HMGXB3: variants seen among roughly 807,000 people sequenced by gnomAD.
HMGXB3 encodes the protein HMG domain-containing protein 3.
A neutral mutation model predicts 121.5 loss-of-function variants in HMGXB3; 45 were observed. The observed-to-expected ratio is 0.37, with a 90% CI of 0.29 to 0.47. The LOEUF (loss-of-function observed/expected upper bound fraction) is 0.47, where lower values mean the gene tolerates loss of function less well. HMGXB3 is among the 20% of genes least tolerant of loss of function. The pLI, the probability that HMGXB3 is intolerant of heterozygous loss-of-function variation, is 0.99. For missense variants in HMGXB3, 1,376 were observed against 1,602.2 expected (o/e 0.86, Z 2.41); for synonymous variants, 590 against 624.1 (o/e 0.95, Z 0.81).
At chr5:150,001,890 T>C (rs1755579564) in intron 1 of HMGXB3, among the ~76,000 whole-genome samples, 2 of 152,176 alleles carry the variant, frequency 1.3e-5, no homozygotes, top group African/African-American at 4.8e-5. Context: ...GTTACTGCCC[T>C]TCTCCACAAG....
chr5:150,041,636 C>T, intron 14 of HMGXB3, 149 bp from the exon 15 acceptor site: 1 of 625,388 alleles, frequency 1.6e-6, no homozygotes. Context: ...CAGGCCAGAT[C>T]CCTGACCCTC....
At chr5:150,038,377 A>G (rs1756547037) in intron 13 of HMGXB3, among the ~76,000 whole-genome samples, 1 of 152,196 alleles carries the variant, frequency 6.6e-6, no homozygotes, top group Non-Finnish European at 1.5e-5. Context: ...GCTCTTGCCA[A>G]CAGTTAACAA....
Position 150,010,152 on chromosome 5 carries a change from C to T in HMGXB3, c.354C>T (p.Ile118=). Residue 118 remains isoleucine, a synonymous_variant, in exon 4 of 20, where the codon ATC becomes ATT. Coordinates refer to ENST00000502717, the MANE Select transcript of HMGXB3 (RefSeq NM_014983.3). ...LSALTAVVPD[I]PGFRKILPRS... ...CACTGACTGCTGTGGTTCCGGACAT[C>T]CCAGGTTTCCGCAAGATCCTCCCAC... 1 of 1,551,750 alleles carries T rather than the reference C, an allele frequency of 6.4e-7. No individual in the cohort carries two copies. The highest frequency in any genetic ancestry group is 1.2e-5 in the South Asian group (1 of 84,054).
chr5:150,030,527 A>G lies in HMGXB3; in HGVS notation c.1735-214A>G. The G allele has an allele frequency of 1.3e-5, 7 of 531,136 alleles. No homozygotes were observed. The South Asian group carries it at 1.6e-4, about 12-fold the overall frequency. 32.9% of individuals were successfully genotyped at this position (531,136 alleles called of 1,614,324 possible). A position where few individuals can be genotyped will look rare whatever the true frequency, so the allele number is the denominator to read the frequency against. Reference sequence around the variant, plus strand: ...TGGTGTTTCTAATACATGGTATTAGAAACTGCACAGAAGCATGTGGCAAGG... The same window carrying G: ...TGGTGTTTCTAATACATGGTATTAGGAACTGCACAGAAGCATGTGGCAAGG... On this transcript the variant is annotated intron_variant, in intron 9 of 19. Coordinates refer to ENST00000502717, the MANE Select transcript of HMGXB3 (RefSeq NM_014983.3).
chr5:150,021,867 G>A (rs775439951), intron 6 of HMGXB3: 6 of 511,086 alleles, frequency 1.2e-5, no homozygotes, highest in South Asian at 4.2e-5. Flanking sequence ...ATTTGAATTC[G>A]GTGAATTGCC....
At chr5:150,048,721 T>A (rs1241364323) in intron 18 of HMGXB3, 36 bp downstream of exon 18, 1 of 1,424,576 alleles carries the variant, frequency 7.0e-7, no homozygotes, top group African/African-American at 1.4e-5. Flanking sequence ...GGAGTGAATT[T>A]GCTAATGTTG....
At chr5:150,050,607 G>A (rs1213700163) in intron 19 of HMGXB3, 146 bp downstream of exon 19, 17 of 619,038 alleles carry the variant, frequency 2.7e-5, no homozygotes, top group African/African-American at 1.8e-4. Context: ...TCAGCCTCCC[G>A]AGTAGCTGGG....
Position 150,050,264 on chromosome 5 carries a change from T to C in HMGXB3, c.3214T>C (p.Ser1072Pro). ...CTTCATCTCCCAGGTGGTCTGCGGC[T>C]CCAAGTATCTTGTGCGAGGTGAGAG... Reference protein sequence around the residue: ...KVCPHQVVCGSKYLVRGESAR... With the variant: ...KVCPHQVVCGPKYLVRGESAR... Residue 1072 changes from serine to proline, a missense_variant, in exon 19 of 20, where the codon TCC (serine) becomes CCC (proline). This residue lies in a region of HMGXB3 where 1,116 missense variants were observed against 1,369.0 expected (regional missense o/e 0.82). Coordinates refer to ENST00000502717, the MANE Select transcript of HMGXB3 (RefSeq NM_014983.3). 1 of 1,551,894 alleles carries C rather than the reference T, an allele frequency of 6.4e-7. No homozygotes were observed. Among genetic ancestry groups the C allele is most frequent in the East Asian group, 2.4e-5 (1 of 40,918 alleles).
chr5:150,018,627 A>G lies in HMGXB3; in HGVS notation c.971A>G (p.Tyr324Cys). Residue 324 changes from tyrosine (Y) to cysteine (C), a missense_variant, in exon 6 of 20, where the codon TAT becomes TGT. Around this residue, in one of 2 missense-constraint regions of HMGXB3, gnomAD observed 1,116 missense variants for 1,369.0 expected, o/e 0.82. Coordinates refer to ENST00000502717, the MANE Select transcript of HMGXB3 (RefSeq NM_014983.3). ...ACCAGCCCAGGGTGCTCCTTTACAT[A>G]TGTCACCAGGCACAAGCCACCTAAG... ...TCTSPGCSFT[Y>C]VTRHKPPKCP... The G allele has an allele frequency of 6.4e-7, 1 of 1,551,260 alleles. No homozygotes were observed. Among genetic ancestry groups the G allele is most frequent in the Non-Finnish European group, 8.7e-7 (1 of 1,146,802 alleles).
chr5:150,011,070 G>GT (rs1755822438), intron 4 of HMGXB3, among the ~76,000 whole-genome samples: 1 of 152,136 alleles, frequency 6.6e-6, no homozygotes, highest in African/African-American at 2.4e-5. Flanking sequence ...CAGGATTATA[G>GT]GCTTGTCCAT....
Position 150,041,836 on chromosome 5 carries a change from A to G in HMGXB3, c.2597A>G (p.Asn866Ser). 1 of 1,551,678 alleles carries G rather than the reference A, an allele frequency of 6.4e-7. No homozygotes were observed. Among genetic ancestry groups the G allele is most frequent in the Non-Finnish European group, 8.7e-7 (1 of 1,146,940 alleles). Reference sequence around the variant, plus strand: ...AGCCAGCTGCAGGAGCTGCTGTGCAATGGCTATTGGGCCTTTGAGTGCCTC... The same window carrying G: ...AGCCAGCTGCAGGAGCTGCTGTGCAGTGGCTATTGGGCCTTTGAGTGCCTC... The part of the protein sequence containing the change: ...ELSQLQELLC[N>S]GYWAFECLTV... The change falls in exon 15 of 20, where the codon AAT becomes AGT. Residue 866 changes from asparagine (N) to serine (S), a missense_variant. Asn to Ser is a conservative substitution (Grantham distance 46). Around this residue, in one of 2 missense-constraint regions of HMGXB3, gnomAD observed 1,116 missense variants for 1,369.0 expected, o/e 0.82. Transcript: ENST00000502717.
chr5:150,006,338 C>CT (rs1755700244), intron 2 of HMGXB3, 135 bp from the exon 3 acceptor site: 9 of 592,446 alleles, frequency 1.5e-5, no homozygotes, highest in Non-Finnish European at 2.5e-5. Context: ...AACCTCTTGA[C>CT]TACCCATATC....
Position 150,012,340 on chromosome 5 carries a change from C to T in HMGXB3, c.896C>T (p.Thr299Ile). 3 of 1,551,626 alleles carry T rather than the reference C, an allele frequency of 1.9e-6. No individual in the cohort carries two copies. Among genetic ancestry groups the T allele is most frequent in the Non-Finnish European group, 2.6e-6 (3 of 1,146,446 alleles). Residue 299 changes from threonine (T) to isoleucine (I), a missense_variant, in exon 5 of 20, where the codon ACC becomes ATC. By Grantham distance (89) the Thr-to-Ile change is moderately conservative (BLOSUM62 -1). Around this residue, in one of 2 missense-constraint regions of HMGXB3, gnomAD observed 1,116 missense variants for 1,369.0 expected, o/e 0.82. Coordinates refer to ENST00000502717, the MANE Select transcript of HMGXB3 (RefSeq NM_014983.3). Reference sequence around the variant, plus strand: ...GCCTACTCGGTTGTGGAGAACCCCACCTCCATCAAACTGGTCAGTACTGTA... The same window carrying T: ...GCCTACTCGGTTGTGGAGAACCCCATCTCCATCAAACTGGTCAGTACTGTA... ...LPAYSVVENP[T>I]SIKLTTTYTR...
At chr5:150,023,640 C>T (rs982787993) in intron 6 of HMGXB3, among the ~76,000 whole-genome samples, 3 of 152,214 alleles carry the variant, frequency 2.0e-5, no homozygotes, top group African/African-American at 7.2e-5. Flanking sequence ...GAAATAGCAG[C>T]TGCCATTTTT....
In HMGXB3 at chr5:150,009,254, A is replaced by G. The variant is rs182510073; in HGVS notation, c.313-857A>G. On this transcript the variant is annotated intron_variant, in intron 3 of 19. Coordinates refer to ENST00000502717, the MANE Select transcript of HMGXB3 (RefSeq NM_014983.3). The stretch of plus-strand genomic sequence containing the variant: ...TGGAGTCCCAGCTTTACTGTTTACT[A>G]ATTTTGTGTTTAGGGAAAGTTTACC... Among the ~76,000 whole-genome samples the G allele has an allele frequency of 6.6e-5, 10 of 152,248 alleles. No individual in the cohort carries two copies. In the East Asian group the frequency reaches 1.5e-3, roughly 23 times the overall value.
At chr5:150,039,209 G>T (rs1756568008) in intron 13 of HMGXB3, among the ~76,000 whole-genome samples, 1 of 152,098 alleles carries the variant, frequency 6.6e-6, no homozygotes, top group Non-Finnish European at 1.5e-5. Flanking sequence ...ATTGGATTGT[G>T]TTCAATCTGT....
chr5:150,019,178 T>G (rs1756028527), intron 6 of HMGXB3, among the ~76,000 whole-genome samples: 2 of 152,204 alleles, frequency 1.3e-5, no homozygotes, highest in African/African-American at 2.4e-5. Context: ...TAATTTAACA[T>G]ATCATGCCTT....
chr5:150,051,604 A>G, intron 19 of HMGXB3, 121 bp from the exon 20 acceptor site: 1 of 794,874 alleles, frequency 1.3e-6, no homozygotes, highest in Non-Finnish European at 1.9e-6. Context: ...CCTAGGAGAC[A>G]CAGTACATGG....
At position 150,036,826 on chromosome 5, in the gene HMGXB3, A is replaced by C. The variant is rs368659948; in HGVS notation, c.2174A>C (p.Asn725Thr). ...AACAGCTCTCGACTTATCTTGTCCA[A>C]CGTGAGTGAGGAGACAGTCACCATC... ...ELNSSRLILS[N>T]VSEETVTIEQ... Residue 725 changes from asparagine to threonine, a missense_variant, in exon 12 of 20, where the codon AAC (asparagine) becomes ACC (threonine). By Grantham distance (65) the Asn-to-Thr change is moderately conservative (BLOSUM62 0). Around this residue, in one of 2 missense-constraint regions of HMGXB3, gnomAD observed 1,116 missense variants for 1,369.0 expected, o/e 0.82. Coordinates refer to ENST00000502717, the MANE Select transcript of HMGXB3 (RefSeq NM_014983.3). 1.1e-5 allele frequency: 17 copies of C among 1,551,690 alleles called. No individual in the cohort carries two copies. The highest frequency in any genetic ancestry group is 1.0e-5 in the Non-Finnish European group (12 of 1,146,982).
Sources: gnomAD v4.1 joint callset for allele counts (sites outside exome capture counted in the v4.1 genomes callset) on GRCh38, gnomAD v4.1.1 for gene constraint, gnomAD v4.1.1 regional missense constraint, MANE v1.5 for transcripts, NCBI Gene and HGNC (gene_info 2026-07-23, HGNC 2026-07-21) for gene names.